The following CORO1B variants were observed in gnomAD, a reference collection of about 807,000 sequenced individuals.
CORO1B encodes coronin-1B.
Under a neutral mutation model 51.1 loss-of-function variants are expected in CORO1B, and 30 were observed. The observed-to-expected ratio is 0.59, with a 90% CI of 0.44 to 0.80. The LOEUF is 0.80. CORO1B is among the 30% of genes least tolerant of loss of function. CORO1B has a pLI of 0.00. For synonymous variants in CORO1B, 310 were observed against 289.7 expected (o/e 1.07, Z -0.71); for missense variants, 648 against 700.4 (o/e 0.93, Z 0.84).
rs751258259 is a variant in CORO1B, at chr11:67,442,672, C to A, written c.-2-42G>T. 3.1e-6 allele frequency: 5 copies of A among 1,588,470 alleles called. No individual in the cohort carries two copies. In the African/African-American group the frequency reaches 4.0e-5, roughly 13 times the overall value. The stretch of plus-strand genomic sequence containing the variant: ...CCTGGGTCAGTCCGGCCCATCCCAA[C>A]AACTCCAGCCCTCCCCAGGCTGCTG... On this transcript the variant is annotated intron_variant, in intron 1 of 10. Coordinates refer to ENST00000341356, the MANE Select transcript of CORO1B (RefSeq NM_020441.3).
chr11:67,442,606 C>G lies in CORO1B; in HGVS notation c.23G>C (p.Arg8Pro). 2.5e-6 allele frequency: 4 copies of G among 1,613,710 alleles called. No individual in the cohort carries two copies. The highest frequency in any genetic ancestry group is 3.4e-6 in the Non-Finnish European group (4 of 1,180,010). The change falls in exon 2 of 11, where the codon CGG becomes CCG. Residue 8 changes from arginine to proline, a missense_variant. Coordinates refer to ENST00000341356, the MANE Select transcript of CORO1B (RefSeq NM_020441.3). MSFRKVV[R>P]QSKFRHVFGQ... is the part of the protein sequence containing the mutation. ...GAACACATGCCGGAATTTGCTCTGCCGGACCACTTTGCGGAAGGACATGTC... is the reference window on the plus strand; with the variant it reads ...GAACACATGCCGGAATTTGCTCTGCGGGACCACTTTGCGGAAGGACATGTC...
Position 67,441,816 on chromosome 11 carries a change from GGCTCTGTCAGCGGGGAGGTCA to G in CORO1B, c.350_370del (p.Leu117_Glu123del). ...GGTGTGCCCCTCCAGTACCACCACC[GGCTCTGTCAGCGGGGAGGTCA>G]GCCCGTTCTCTGGGATCTGCCACAC... On this transcript the variant is annotated inframe_deletion, in exon 4 of 11. Coordinates refer to ENST00000341356, the MANE Select transcript of CORO1B (RefSeq NM_020441.3). The G allele has an allele frequency of 6.2e-7, 1 of 1,613,092 alleles. No individual in the cohort carries two copies. Among genetic ancestry groups the G allele is most frequent in the Non-Finnish European group, 8.5e-7 (1 of 1,179,962 alleles).
intron 8 of CORO1B, 101 bp from the exon 9 acceptor site, chr11:67,439,944 C>T (rs1437375118): frequency 3.5e-6 from 5 of 1,442,128 alleles, no homozygotes; most frequent in Admixed American, 2.0e-5. Flanking sequence ...ACCCCAGGAC[C>T]TCCGCAGGCC....
In CORO1B at chr11:67,441,614, G is replaced by A. The variant is rs763728146; in HGVS notation, c.455-100C>T. The A allele has an allele frequency of 3.2e-6, 5 of 1,547,858 alleles. No homozygotes were observed. In the South Asian group the frequency reaches 4.6e-5, roughly 14 times the overall value. ...CTGCCCACCACCCTGGGACAGACGG[G>A]TCTCTCCAACTCTGAGGGCCTCAGC... On this transcript the variant is annotated intron_variant, in intron 4 of 10. Transcript: ENST00000341356.
chr11:67,438,527 G>C (rs377161519), intron 10 of CORO1B, 26 bp from the exon 11 acceptor site: 5 of 1,592,682 alleles, frequency 3.1e-6, no homozygotes, highest in Non-Finnish European at 4.3e-6. Context: ...GCAGGGGTAG[G>C]GGGCGGTGGT....
chr11:67,438,089 G>A lies in CORO1B; in HGVS notation c.*287C>T. On this transcript the variant is annotated 3_prime_UTR_variant, in exon 11 of 11. Coordinates refer to ENST00000341356, the MANE Select transcript of CORO1B (RefSeq NM_020441.3). Reference sequence around the variant, plus strand: ...ATTTTATTTGGAATGAAAATATAGAGCCCACCCTCCCGCCTCCTCTGGGGA... The same window carrying A: ...ATTTTATTTGGAATGAAAATATAGAACCCACCCTCCCGCCTCCTCTGGGGA... 1 of 397,192 alleles carries A rather than the reference G, an allele frequency of 2.5e-6. No individual in the cohort carries two copies. The highest frequency in any genetic ancestry group is 4.5e-6 in the Non-Finnish European group (1 of 223,892). 24.6% of individuals were successfully genotyped at this position (397,192 alleles called of 1,614,324 possible). A position where few individuals can be genotyped will look rare whatever the true frequency, so the allele number is the denominator to read the frequency against.
chr11:67,441,595 A>G, intron 4 of CORO1B, 81 bp from the exon 5 acceptor site: 2 of 1,555,490 alleles, frequency 1.3e-6, no homozygotes, highest in Middle Eastern at 1.7e-4. Context: ...CACTCTGCCC[A>G]CCACCCTGGG....
intron 3 of CORO1B, 49 bp from the exon 4 acceptor site, chr11:67,441,911 G>A (rs1280652865): frequency 1.9e-6 from 3 of 1,612,906 alleles, no homozygotes; most frequent in Non-Finnish European, 2.5e-6. Context: ...TGGTCCTATT[G>A]CTGGCCCCCT....
intron 6 of CORO1B, 125 bp downstream of exon 6, chr11:67,441,000 C>A (rs756271582): frequency 1.4e-6 from 2 of 1,424,556 alleles, no homozygotes; most frequent in Non-Finnish European, 2.0e-6. Flanking sequence ...GAGTCCTAGG[C>A]CCTGAGAGCC....
At chr11:67,443,585 G>T, upstream of CORO1B, 1 of 699,774 alleles carries the variant, frequency 1.4e-6, no homozygotes, top group Non-Finnish European at 1.8e-6. Context: ...AGGCTGAGCG[G>T]CGCCGGGGGG....
rs531426698 is a variant in CORO1B at position 67,436,047 on chromosome 11, C to T, written c.*2329G>A. On this transcript the variant is annotated 3_prime_UTR_variant, in exon 11 of 11. Transcript: ENST00000341356. ...TGCTCATCCTCCTGTCGCTCAAGGT[C>T]ATTGTCTGTGGACCCCAGCTCAGCT... 6.2e-7 allele frequency: 1 copy of T among 1,613,506 alleles called. No homozygotes were observed. Among genetic ancestry groups the T allele is most frequent in the African/African-American group, 1.3e-5 (1 of 75,040 alleles).
At chr11:67,443,746 G>A (rs921813146), upstream of CORO1B, 2 of 985,188 alleles carry the variant, frequency 2.0e-6, no homozygotes, top group Admixed American at 6.2e-5. Flanking sequence ...TGCGGGTGCA[G>A]CCTTACAGCG....
chr11:67,438,010 G>A lies in CORO1B; in HGVS notation c.*366C>T, dbSNP rs1216515059. ...GACATCCTCTGTCTCCAGGTTTCCA[G>A]ACTTCTCAGCCCCACCCTTGCAGCA... is the stretch of plus-strand genomic sequence containing the variant. On this transcript the variant is annotated 3_prime_UTR_variant, in exon 11 of 11. Coordinates refer to ENST00000341356, the MANE Select transcript of CORO1B (RefSeq NM_020441.3). 5.7e-6 allele frequency: 2 copies of A among 352,996 alleles called. No homozygotes were observed. Among genetic ancestry groups the A allele is most frequent in the East Asian group, 8.6e-5 (2 of 23,148 alleles). 21.9% of individuals were successfully genotyped at this position (352,996 alleles called of 1,614,324 possible).
chr11:67,440,729 G>T, intron 6 of CORO1B: 1 of 652,270 alleles, frequency 1.5e-6, no homozygotes. Context: ...GGGTGCCAGC[G>T]GCACCAGCCC....
At position 67,437,841 on chromosome 11, in the gene CORO1B, A is replaced by C. The variant is rs550878107; in HGVS notation, c.*535T>G. 1.0e-4 allele frequency: 42 copies of C among 406,912 alleles called. No individual in the cohort carries two copies. The highest frequency in any genetic ancestry group is 6.2e-4 in the Middle Eastern group (1 of 1,626). The allele number at this position is 406,912 out of a possible 1,614,324, so 25.2% of individuals were successfully genotyped here. A position where few individuals can be genotyped will look rare whatever the true frequency, so the allele number is the denominator to read the frequency against. On this transcript the variant is annotated 3_prime_UTR_variant, in exon 11 of 11. Transcript: ENST00000341356. ...CTGCCGGGCCTGTCCTCCAAGGAAG[A>C]AGCAGCACCAACTTGAAGCTGGATG... is the stretch of plus-strand genomic sequence containing the variant.
chr11:67,441,336 C>A lies in CORO1B; in HGVS notation c.633G>T (p.Val211=). The part of the protein sequence containing the change: ...RIIDPRRGTL[V]AEREKAHEGA... ...CTTGCCCTCCAGAGCCACGTACTGC[C>A]ACCAGGGTGCCCCGACGGGGGTCGA... Residue 211 remains valine, a synonymous_variant, in exon 5 of 11, where the codon GTG becomes GTT. Coordinates refer to ENST00000341356, the MANE Select transcript of CORO1B (RefSeq NM_020441.3). 6.2e-7 allele frequency: 1 copy of A among 1,613,538 alleles called. No homozygotes were observed. The highest frequency in any genetic ancestry group is 8.5e-7 in the Non-Finnish European group (1 of 1,179,972).
chr11:67,441,402 G>A lies in CORO1B; in HGVS notation c.567C>T (p.Ser189=). Residue 189 remains serine (S), a synonymous_variant, in exon 5 of 11, where the codon AGC becomes AGT. Coordinates refer to ENST00000341356, the MANE Select transcript of CORO1B (RefSeq NM_020441.3). ...TGTCCTTGCATGCTGAGCAAAACAG[G>A]CTGCCATTGTGGTTCCAGCTGACAT... ...IYNVSWNHNG[S]LFCSACKDKS... 1.2e-6 allele frequency: 2 copies of A among 1,613,874 alleles called. No individual in the cohort carries two copies. The highest frequency in any genetic ancestry group is 1.7e-6 in the Non-Finnish European group (2 of 1,180,028).
In CORO1B at chr11:67,442,454, C is replaced by T; in HGVS notation, c.175G>A (p.Ala59Thr). 1 of 1,613,338 alleles carries T rather than the reference C, an allele frequency of 6.2e-7. No individual in the cohort carries two copies. The highest frequency in any genetic ancestry group is 8.5e-7 in the Non-Finnish European group (1 of 1,180,010). The change falls in exon 2 of 11, where the codon GCC (alanine) becomes ACC (threonine). Residue 59 changes from alanine to threonine, a missense_variant. Coordinates refer to ENST00000341356, the MANE Select transcript of CORO1B (RefSeq NM_020441.3). Reference protein sequence around the residue: ...AVIVEASGGGAFLVLPLSKTG... With the variant: ...AVIVEASGGGTFLVLPLSKTG... ...TTGCTTAGGGGGAGCACCAGAAAGG[C>T]ACCCCCTCCACTGGCCTCCACAATC... is the stretch of plus-strand genomic sequence containing the variant.
Position 67,435,962 on chromosome 11 carries a change from T to C in CORO1B, c.*2414A>G. ...GCTGGACGCCTCTCCACATTGCTGC[T>C]CGCCTTCCCCAGGGTCAGCCTGCAG... On this transcript the variant is annotated 3_prime_UTR_variant, in exon 11 of 11. Transcript: ENST00000341356. 1 of 1,613,616 alleles carries C rather than the reference T, an allele frequency of 6.2e-7. No homozygotes were observed. Among genetic ancestry groups the C allele is most frequent in the Non-Finnish European group, 8.5e-7 (1 of 1,179,896 alleles).
Sources: gnomAD v4.1 joint callset for allele counts on GRCh38, gnomAD v4.1.1 for gene constraint, MANE v1.5 for transcripts, NCBI Gene and HGNC (gene_info 2026-07-23, HGNC 2026-07-21) for gene names.